Variants in ERBB4 observed in about 807,000 individuals in gnomAD.
ERBB4 encodes receptor tyrosine-protein kinase erbB-4.
ERBB4 carries 42 observed loss-of-function variants against 158.0 expected under a neutral mutation model. The ratio of observed to expected loss-of-function variants is 0.27; its 90% CI spans 0.21 to 0.34. ERBB4 has a LOEUF of 0.34. Among genes scored for constraint, ERBB4 ranks in the 10% least tolerant of loss-of-function variants. The pLI is 1.00. For synonymous variants in ERBB4, 583 were observed against 558.7 expected (o/e 1.04, Z -0.61); for missense variants, 1,333 against 1,624.1 (o/e 0.82, Z 3.08).
intron 20 of ERBB4, among the ~76,000 whole-genome samples, chr2:211,439,216 A>G (rs1285985125): frequency 1.3e-5 from 2 of 152,142 alleles, no homozygotes; most frequent in East Asian, 1.9e-4. Flanking sequence ...CAGACTTACA[A>G]AATTCTGGTC....
At chr2:212,497,805 C>A (rs1021725704) in intron 1 of ERBB4, among the ~76,000 whole-genome samples, 2 of 152,112 alleles carry the variant, frequency 1.3e-5, no homozygotes, top group Non-Finnish European at 2.9e-5. Context: ...ACATTGGAAG[C>A]CAGTGACCAA....
chr2:211,482,606 T>TA (rs539609625), intron 20 of ERBB4, among the ~76,000 whole-genome samples: 1 of 152,144 alleles, frequency 6.6e-6, no homozygotes, highest in African/African-American at 2.4e-5. Flanking sequence ...ATACCGAGGA[T>TA]AAAAAATAAA....
intron 2 of ERBB4, among the ~76,000 whole-genome samples, chr2:211,961,971 A>G (rs1486451165): frequency 5.3e-5 from 8 of 152,158 alleles, no homozygotes; most frequent in Admixed American, 5.2e-4. Context: ...CAATTTCTAT[A>G]CAAGTAAGAA....
At chr2:211,591,066 CACCAAAATGCTAA>C (rs1386503699) in intron 19 of ERBB4, among the ~76,000 whole-genome samples, 1 of 152,190 alleles carries the variant, frequency 6.6e-6, no homozygotes, top group Non-Finnish European at 1.5e-5. Context: ...ACATTGTTAG[CACCAAAATGCTAA>C]AACTGTGAAA....
intron 1 of ERBB4, among the ~76,000 whole-genome samples, chr2:212,197,860 T>C (rs940071757): frequency 1.3e-5 from 2 of 152,214 alleles, no homozygotes; most frequent in East Asian, 3.8e-4. Flanking sequence ...TGATTAAACT[T>C]ACTGTTATAA....
chr2:211,427,558 C>T (rs1049724672), intron 22 of ERBB4, among the ~76,000 whole-genome samples: 5 of 152,098 alleles, frequency 3.3e-5, no homozygotes, highest in Admixed American at 2.6e-4. Flanking sequence ...TTCTGTAACT[C>T]CACAAGTAGT....
intron 20 of ERBB4, among the ~76,000 whole-genome samples, chr2:211,454,587 T>C (rs1186157566): frequency 6.6e-6 from 1 of 151,988 alleles, no homozygotes; most frequent in Admixed American, 6.6e-5. Flanking sequence ...GTTTTTAAGG[T>C]GATGTGAGTT....
At chr2:212,085,214 A>G (rs1469877913) in intron 2 of ERBB4, among the ~76,000 whole-genome samples, 1 of 151,932 alleles carries the variant, frequency 6.6e-6, no homozygotes, top group African/African-American at 2.4e-5. Context: ...CATACTGCCT[A>G]TGTTTTCTCT....
At chr2:211,596,238 G>A (rs1001059994) in intron 19 of ERBB4, among the ~76,000 whole-genome samples, 1 of 151,878 alleles carries the variant, frequency 6.6e-6, no homozygotes, top group Non-Finnish European at 1.5e-5. Flanking sequence ...AAGTCTGAAT[G>A]CTTTGAATAA....
intron 3 of ERBB4, among the ~76,000 whole-genome samples, chr2:211,931,266 T>C (rs2080167293): frequency 6.6e-6 from 1 of 152,150 alleles, no homozygotes; most frequent in Non-Finnish European, 1.5e-5. Context: ...TAAAAATGAA[T>C]CTATCTTTAA....
intron 19 of ERBB4, among the ~76,000 whole-genome samples, chr2:211,592,114 G>A (rs2068486897): frequency 6.6e-6 from 1 of 152,280 alleles, no homozygotes; most frequent in African/African-American, 2.4e-5. Flanking sequence ...AAGGATAAAT[G>A]GTTACAGGGA....
At chr2:212,457,655 A>C (rs183510177) in intron 1 of ERBB4, among the ~76,000 whole-genome samples, 22 of 152,186 alleles carry the variant, frequency 1.4e-4, no homozygotes, top group Admixed American at 5.9e-4. Flanking sequence ...AATTTATTCA[A>C]CATTGTTTAA....
At chr2:211,880,904 G>A (rs1039953496) in intron 3 of ERBB4, among the ~76,000 whole-genome samples, 1 of 152,108 alleles carries the variant, frequency 6.6e-6, no homozygotes, top group Non-Finnish European at 1.5e-5. Flanking sequence ...TAATTGAAGA[G>A]GACCAACAAT....
At chr2:212,188,192 C>CTG (rs2082073594) in intron 1 of ERBB4, among the ~76,000 whole-genome samples, 1 of 18,394 alleles carries the variant, frequency 5.4e-5, no homozygotes, top group East Asian at 3.2e-3. Context: ...AGGTCTCTCT[C>CTG]TCTCTCTCTC....
chr2:212,523,992 T>C (rs1238795756), intron 1 of ERBB4, among the ~76,000 whole-genome samples: 1 of 151,972 alleles, frequency 6.6e-6, no homozygotes, highest in African/African-American at 2.4e-5. Context: ...TCTCCAAGGC[T>C]ATACAGAACA....
At chr2:212,434,388 T>G (rs751230993) in intron 1 of ERBB4, among the ~76,000 whole-genome samples, 4 of 152,002 alleles carry the variant, frequency 2.6e-5, no homozygotes, top group Non-Finnish European at 5.9e-5. Context: ...ACAAGTCTTC[T>G]ACACCTTAAA....
intron 3 of ERBB4, among the ~76,000 whole-genome samples, chr2:211,791,641 TTGA>T (rs777116311): frequency 7.9e-5 from 12 of 152,030 alleles, no homozygotes; most frequent in Non-Finnish European, 2.9e-5. Context: ...ATTGAATCAA[TTGA>T]TAGAAAAAAG....
chr2:212,038,818 A>G (rs1346721613), intron 2 of ERBB4, among the ~76,000 whole-genome samples: 1 of 152,146 alleles, frequency 6.6e-6, no homozygotes, highest in Non-Finnish European at 1.5e-5. Context: ...ATGTAAGGAA[A>G]TGCCTTTTCT....
intron 16 of ERBB4, among the ~76,000 whole-genome samples, chr2:211,648,315 A>G (rs564578780): frequency 6.6e-6 from 1 of 151,876 alleles, no homozygotes; most frequent in African/African-American, 2.4e-5. Context: ...TGCATATCAC[A>G]TACTCATTTA....
Sources: allele counts gnomAD v4.1 joint callset (sites outside exome capture counted in the v4.1 genomes callset), GRCh38; gene constraint gnomAD v4.1.1; transcripts MANE v1.5; gene names NCBI Gene and HGNC (gene_info 2026-07-23, HGNC 2026-07-21).